Variants in KCTD1 observed in about 807,000 individuals in gnomAD.
KCTD1 encodes potassium channel tetramerization domain containing 1.
KCTD1 carries 24 observed loss-of-function variants against 66.0 expected under a neutral mutation model. The ratio of observed to expected loss-of-function variants is 0.36; its 90% CI spans 0.26 to 0.51. KCTD1 has a LOEUF of 0.51. Among genes scored for constraint, KCTD1 ranks in the 20% least tolerant of loss-of-function variants. KCTD1 has a pLI of 0.95. For missense variants in KCTD1, 943 were observed against 1,205.2 expected, an observed-to-expected ratio of 0.78 and a Z score of 3.22; for synonymous variants, 511 against 517.2, an observed-to-expected ratio of 0.99 and a Z score of 0.16.
At chr18:26,510,581 T>A (rs745800369) in intron 1 of KCTD1, among the ~76,000 whole-genome samples, 1 of 152,178 alleles carries the variant, frequency 6.6e-6, no homozygotes, top group Non-Finnish European at 1.5e-5. Context: ...TTCTTTTTCA[T>A]AGTGAAATAT....
At chr18:26,550,157 G>A (rs1985497664), upstream of KCTD1, among the ~76,000 whole-genome samples, 1 of 152,176 alleles carries the variant, frequency 6.6e-6, no homozygotes, top group Admixed American at 6.5e-5. The surrounding 1 kb of genome is among the most constrained non-coding windows in gnomAD (Gnocchi z 5.4). Context: ...CCGTCCTGCT[G>A]GGAGGCAGCC....
intron 3 of KCTD1, among the ~76,000 whole-genome samples, chr18:26,462,861 C>T (rs532977024): frequency 2.0e-4 from 30 of 152,284 alleles, no homozygotes; most frequent in African/African-American, 7.2e-4. Flanking sequence ...TTATTTCCTT[C>T]AGGCCTCTGA....
At chr18:26,481,853 CTG>C (rs1981665312) in intron 2 of KCTD1, among the ~76,000 whole-genome samples, 1 of 152,120 alleles carries the variant, frequency 6.6e-6, no homozygotes. Flanking sequence ...GCCCAGGCAT[CTG>C]TATTTTTTTT....
upstream of KCTD1, among the ~76,000 whole-genome samples, chr18:26,630,328 T>C (rs1307405825): frequency 6.6e-6 from 1 of 152,136 alleles, no homozygotes; most frequent in East Asian, 1.9e-4. Flanking sequence ...TCTTTTTTTG[T>C]TTTTTTAGAG....
intron 1 of KCTD1, among the ~76,000 whole-genome samples, chr18:26,561,178 A>C (rs1985839027): frequency 6.6e-6 from 1 of 151,904 alleles, no homozygotes. Context: ...GAAAAAAAAA[A>C]ACTCTGACCT....
intron 1 of KCTD1, among the ~76,000 whole-genome samples, chr18:26,606,661 C>T (rs1987023072): frequency 6.6e-6 from 1 of 152,206 alleles, no homozygotes; most frequent in Non-Finnish European, 1.5e-5. Context: ...TGCACATCAT[C>T]CCAGTCAAGG....
intron 1 of KCTD1, among the ~76,000 whole-genome samples, chr18:26,538,003 T>C (rs1984789407): frequency 6.6e-6 from 1 of 152,150 alleles, no homozygotes; most frequent in Non-Finnish European, 1.5e-5. Flanking sequence ...TCCCAGCACT[T>C]TGGGAGGCTG....
intron 1 of KCTD1, among the ~76,000 whole-genome samples, chr18:26,527,492 A>T: frequency 9.1e-6 from 1 of 109,502 alleles, no homozygotes; most frequent in Non-Finnish European, 1.9e-5. Flanking sequence ...CAAAAAAAAA[A>T]GGGGGGGGGG....
chr18:26,599,358 T>A, intron 1 of KCTD1: 1 of 1,576,112 alleles, frequency 6.3e-7, no homozygotes, highest in Non-Finnish European at 8.6e-7. Flanking sequence ...CAGTCTTGAT[T>A]CTCTTTTGGC....
chr18:26,597,208 G>A (rs1434598064), intron 1 of KCTD1, among the ~76,000 whole-genome samples: 3 of 152,086 alleles, frequency 2.0e-5, no homozygotes, highest in Admixed American at 6.6e-5. Context: ...AGGGAACACC[G>A]AGATGAAAGT....
rs57856118 is a variant in KCTD1, at chr18:26,647,519, C to CAAAAAAAAAAAAAAAAAAAAAAAAAAAA, written c.9+9813_9+9840dup. On this transcript the variant is annotated intron_variant, in intron 1 of 4. Coordinates refer to the KCTD1 transcript ENST00000580191. ...TGGGAAACAGAGTGAGACTCCATCT[C>CAAAAAAAAAAAAAAAAAAAAAAAAAAAA]AAAAAAAAAAAAAAAAAAAAAAAAA... is the stretch of plus-strand genomic sequence containing the variant. Among the ~76,000 whole-genome samples the CAAAAAAAAAAAAAAAAAAAAAAAAAAAA allele has an allele frequency of 8.7e-5, 5 of 57,306 alleles. 1 individual carries two copies. The highest frequency in any genetic ancestry group is 1.3e-4 in the Non-Finnish European group (4 of 30,800). The allele number at this position is 57,306 out of a possible 152,430, so 37.6% of individuals were successfully genotyped here.
chr18:26,529,027 C>T (rs1984308091), intron 1 of KCTD1, among the ~76,000 whole-genome samples: 1 of 152,314 alleles, frequency 6.6e-6, no homozygotes, highest in East Asian at 1.9e-4. Flanking sequence ...CTTTGCCAAA[C>T]CTGTGTATCT....
chr18:26,533,203 C>T (rs1185736165), intron 1 of KCTD1, among the ~76,000 whole-genome samples: 2 of 152,196 alleles, frequency 1.3e-5, no homozygotes, highest in South Asian at 4.1e-4. Context: ...TCTTACCAAG[C>T]AATGCATTGA....
chr18:26,476,491 G>A lies in KCTD1; in HGVS notation c.2133+24C>T. The A allele has an allele frequency of 6.3e-7, 1 of 1,590,736 alleles. No individual in the cohort carries two copies. Among genetic ancestry groups the A allele is most frequent in the Non-Finnish European group, 8.5e-7 (1 of 1,172,438 alleles). ...AAAAAAATCACATATTTATGCTATT[G>A]GTGATTTAACATGGATCCCTCACCT... On this transcript the variant is annotated intron_variant, in intron 3 of 4. Coordinates refer to ENST00000580059, the MANE Select transcript of KCTD1 (RefSeq NM_001142730.3). This position sits in a 1 kb window ranked among gnomAD's most constrained non-coding sequence, Gnocchi z 4.9.
intron 3 of KCTD1, among the ~76,000 whole-genome samples, chr18:26,474,167 T>A (rs1981220684): frequency 6.6e-6 from 1 of 152,308 alleles, no homozygotes; most frequent in East Asian, 1.9e-4. Context: ...ATTACATGAT[T>A]TTCCCCCCAC....
At chr18:26,600,985 C>T (rs1986882180) in intron 1 of KCTD1, among the ~76,000 whole-genome samples, 1 of 151,966 alleles carries the variant, frequency 6.6e-6, no homozygotes, top group African/African-American at 2.4e-5. Context: ...TTCTGCATGT[C>T]TTGTAAAGAG....
chr18:26,615,081 G>C (rs922124330), intron 1 of KCTD1, among the ~76,000 whole-genome samples: 14 of 152,226 alleles, frequency 9.2e-5, no homozygotes, highest in African/African-American at 3.1e-4. Context: ...AGAATGTGAA[G>C]TGAAACAAAT....
intron 1 of KCTD1, among the ~76,000 whole-genome samples, chr18:26,528,220 GT>G (rs1421076090): frequency 1.3e-5 from 2 of 152,144 alleles, no homozygotes; most frequent in African/African-American, 4.8e-5. Flanking sequence ...GGATGCTGGA[GT>G]TCATCTGGTT....
rs772260171 is a variant in KCTD1, at chr18:26,476,498, T to G, written c.2133+17A>C. On this transcript the variant is annotated intron_variant, in intron 3 of 4. Transcript: ENST00000580059. The surrounding 1 kb of genome is among the most constrained non-coding windows in gnomAD (Gnocchi z 4.9). ...TCACATATTTATGCTATTGGTGATT[T>G]AACATGGATCCCTCACCTTGAAATC... 3 of 1,595,976 alleles carry G rather than the reference T, an allele frequency of 1.9e-6. No homozygotes were observed. In the African/African-American group the frequency reaches 4.1e-5, roughly 22 times the overall value.
Sources: allele counts gnomAD v4.1 joint callset (sites outside exome capture counted in the v4.1 genomes callset), GRCh38; gene constraint gnomAD v4.1.1; non-coding constraint Gnocchi (gnomAD v3.1); transcripts MANE v1.5; gene names NCBI Gene and HGNC (gene_info 2026-07-23, HGNC 2026-07-21).